The following ITGA1 variants were observed in gnomAD, a reference collection of about 807,000 sequenced individuals.
The protein encoded by ITGA1 is integrin subunit alpha 1, also known as integrin alpha-1.
In ITGA1, 85 loss-of-function variants were observed where a neutral mutation model predicts 145.9. That is an observed-to-expected ratio of 0.58 (90% CI 0.49 to 0.70). ITGA1 has a LOEUF of 0.70. Among genes scored for constraint, ITGA1 ranks in the 30% least tolerant of loss-of-function variants. The pLI is 0.00. For missense variants in ITGA1, 1,351 were observed against 1,418.7 expected (o/e 0.95, Z 0.77); for synonymous variants, 520 against 495.3 (o/e 1.05, Z -0.66).
At chr5:52,947,550 T>C (rs765213133) in intron 28 of ITGA1, 89 bp downstream of exon 28, 20 of 758,730 alleles carry the variant, frequency 2.6e-5, no homozygotes, top group Non-Finnish European at 3.7e-5. Flanking sequence ...CTATGTAATA[T>C]AGTATTATTA....
intron 1 of ITGA1, chr5:52,802,228 C>A (rs1748503986): frequency 6.2e-6 from 1 of 161,562 alleles, no homozygotes; most frequent in Non-Finnish European, 1.4e-5. Context: ...CTATCTTATC[C>A]TGTTTACATT....
intron 11 of ITGA1, chr5:52,904,244 T>C (rs2111839332): frequency 6.6e-6 from 1 of 152,360 alleles, no homozygotes; most frequent in South Asian, 2.1e-4. Flanking sequence ...GTAGAGTCTC[T>C]TGATCATTGT....
At chr5:52,872,997 G>A (rs957101141) in intron 6 of ITGA1, among the ~76,000 whole-genome samples, 1 of 152,032 alleles carries the variant, frequency 6.6e-6, no homozygotes, top group Non-Finnish European at 1.5e-5. Context: ...ATTACATGAC[G>A]ACAGAATTGT....
intron 1 of ITGA1, among the ~76,000 whole-genome samples, chr5:52,843,848 C>G (rs184812644): frequency 6.6e-6 from 1 of 152,268 alleles, no homozygotes; most frequent in Admixed American, 6.5e-5. Flanking sequence ...CACTCAACCT[C>G]TCTGAGCTTC....
intron 1 of ITGA1, chr5:52,803,030 A>G (rs1748518796): frequency 6.6e-6 from 1 of 152,214 alleles, no homozygotes; most frequent in Non-Finnish European, 1.5e-5. Flanking sequence ...CAATTTAGCA[A>G]AATAATTAGG....
intron 16 of ITGA1, among the ~76,000 whole-genome samples, chr5:52,919,679 A>T (rs1750702886): frequency 6.6e-6 from 1 of 152,206 alleles, no homozygotes. Flanking sequence ...AGGTATAAGA[A>T]CATAAAATAA....
chr5:52,810,912 G>C (rs757561064), intron 1 of ITGA1, among the ~76,000 whole-genome samples: 1 of 152,106 alleles, frequency 6.6e-6, no homozygotes, highest in Non-Finnish European at 1.5e-5. Context: ...TTTTATAATG[G>C]TTCATTGTAA....
At chr5:52,934,306 A>T (rs935636130) in intron 23 of ITGA1, among the ~76,000 whole-genome samples, 2 of 151,690 alleles carry the variant, frequency 1.3e-5, no homozygotes, top group Admixed American at 6.6e-5. Context: ...TAGAAAAAAA[A>T]AATAAACTAT....
intron 1 of ITGA1, among the ~76,000 whole-genome samples, chr5:52,792,022 TGG>T (rs1748252134): frequency 6.6e-6 from 1 of 152,226 alleles, no homozygotes; most frequent in African/African-American, 2.4e-5. Context: ...CTAAAATACT[TGG>T]ATAAAGACCT....
At chr5:52,927,548 T>G (rs993756780) in intron 19 of ITGA1, 36 bp from the exon 20 acceptor site, 13 of 1,429,486 alleles carry the variant, frequency 9.1e-6, no homozygotes, top group Non-Finnish European at 1.2e-5. Context: ...TTTCACCTGC[T>G]TGTCCACTCT....
chr5:52,897,407 T>C (rs1251789348), intron 9 of ITGA1, 48 bp from the exon 10 acceptor site: 11 of 1,307,828 alleles, frequency 8.4e-6, no homozygotes, highest in Non-Finnish European at 1.1e-5. Flanking sequence ...CAGTAGTGCA[T>C]GAAAAGGCAT....
At chr5:52,823,935 A>G (rs1748919160) in intron 1 of ITGA1, among the ~76,000 whole-genome samples, 1 of 152,234 alleles carries the variant, frequency 6.6e-6, no homozygotes, top group Non-Finnish European at 1.5e-5. Flanking sequence ...TTTTACAAGT[A>G]TACGGAATAT....
intron 2 of ITGA1, among the ~76,000 whole-genome samples, chr5:52,850,433 G>A (rs1009189952): frequency 6.6e-6 from 1 of 152,152 alleles, no homozygotes; most frequent in African/African-American, 2.4e-5. Flanking sequence ...TAGGAAAGAA[G>A]AGCAGTAGCT....
At position 52,881,985 on chromosome 5, in the gene ITGA1, G is replaced by T. The variant is rs377466303; in HGVS notation, c.737G>T (p.Arg246Leu). Residue 246 changes from arginine to leucine, a missense_variant, in exon 7 of 29, where the codon CGC becomes CTC. Coordinates refer to ENST00000282588, the MANE Select transcript of ITGA1 (RefSeq NM_181501.2). ...AAKKIVQRGG[R>L]QTMTALGIDT... ...AAGAAAATAGTCCAGAGAGGTGGCC[G>T]CCAGACTATGACAGCTCTTGGAATA... 1 of 1,613,222 alleles carries T rather than the reference G, an allele frequency of 6.2e-7. No homozygotes were observed. The highest frequency in any genetic ancestry group is 8.5e-7 in the Non-Finnish European group (1 of 1,179,522).
At chr5:52,920,866 C>T (rs149742601) in intron 17 of ITGA1, among the ~76,000 whole-genome samples, 220 of 152,272 alleles carry the variant, frequency 1.4e-3, no homozygotes, top group Non-Finnish European at 1.4e-3. Context: ...GCTCTGGGGG[C>T]AGACTGCTGG....
intron 1 of ITGA1, among the ~76,000 whole-genome samples, chr5:52,839,536 G>A (rs1749219535): frequency 6.6e-6 from 1 of 152,120 alleles, no homozygotes; most frequent in South Asian, 2.1e-4. Flanking sequence ...TTACCCAACT[G>A]TCCTATGTAC....
intron 4 of ITGA1, 24 bp downstream of exon 4, chr5:52,864,875 T>C: frequency 1.9e-6 from 3 of 1,559,792 alleles, no homozygotes; most frequent in Non-Finnish European, 2.6e-6. Flanking sequence ...GAATGATATT[T>C]ATTGACAACA....
rs189998713 is a variant in ITGA1, at chr5:52,801,877, C to T, written c.61+13463C>T. 1.4e-5 allele frequency: 21 copies of T among 1,463,630 alleles called. No individual in the cohort carries two copies. The East Asian group carries it at 3.2e-4, about 22-fold the overall frequency. 90.7% of individuals were successfully genotyped at this position (1,463,630 alleles called of 1,614,324 possible). ...TAAAATTGAGACAATCTTGTGTTTC[C>T]TAAACTGTTACAGTACATTTCTCAG... On this transcript the variant is annotated intron_variant, in intron 1 of 28. Transcript: ENST00000282588.
At position 52,845,803 on chromosome 5, in the gene ITGA1, C is replaced by G. The variant is rs558286801; in HGVS notation, c.62-3562C>G. On this transcript the variant is annotated intron_variant, in intron 1 of 28. Coordinates refer to ENST00000282588, the MANE Select transcript of ITGA1 (RefSeq NM_181501.2). ...GTTCCAAAGTTGAGAAACCCTGCTG[C>G]AGAAGTATTATTTTATGCATTTCTT... 2.0e-5 allele frequency among the ~76,000 whole-genome samples: 3 copies of G among 152,240 alleles called. No homozygotes were observed. In the South Asian group the frequency reaches 6.2e-4, roughly 32 times the overall value.
Sources: allele counts gnomAD v4.1 joint callset (sites outside exome capture counted in the v4.1 genomes callset), GRCh38; gene constraint gnomAD v4.1.1; transcripts MANE v1.5; gene names NCBI Gene and HGNC (gene_info 2026-07-23, HGNC 2026-07-21).